Variants in HMGCS1 observed in about 807,000 individuals in gnomAD.
HMGCS1 encodes hydroxymethylglutaryl-CoA synthase, cytoplasmic.
In HMGCS1, 9 loss-of-function variants were observed where a neutral mutation model predicts 52.3. The ratio of observed to expected loss-of-function variants is 0.17; its 90% CI spans 0.10 to 0.30. The LOEUF is 0.30. Among genes scored for constraint, HMGCS1 ranks in the 10% least tolerant of loss-of-function variants. HMGCS1 has a pLI of 1.00. For missense variants in HMGCS1, 320 were observed against 620.9 expected (o/e 0.52, Z 5.15); for synonymous variants, 176 against 214.4 (o/e 0.82, Z 1.57).
Position 43,298,924 on chromosome 5 carries a change from T to C in HMGCS1, c.42A>G (p.Pro14=), listed in dbSNP as rs1481552433. Residue 14 remains proline (P), a synonymous_variant, in exon 3 of 11, where the codon CCA becomes CCG. Transcript: ENST00000325110. This position sits in a 1 kb window ranked among gnomAD's most constrained non-coding sequence, Gnocchi z 5.6. ...SLPLNAEACW[P]KDVGIVALEI... is the part of the protein sequence containing the mutation. ...CAAGGGCAACAATTCCCACATCTTT[T>C]GGCCAGCAAGCTTCTGCATTCAAAG... 2.5e-6 allele frequency: 4 copies of C among 1,613,934 alleles called. No individual in the cohort carries two copies. Among genetic ancestry groups the C allele is most frequent in the South Asian group, 1.1e-5 (1 of 91,072 alleles).
At chr5:43,297,188 A>C in intron 4 of HMGCS1, 22 bp from the exon 5 acceptor site, 2 of 1,595,846 alleles carry the variant, frequency 1.3e-6, no homozygotes, top group Non-Finnish European at 1.7e-6. Flanking sequence ...AAAAAGGAAG[A>C]TGTCTATATA....
chr5:43,302,505 T>G (rs1037508564), intron 2 of HMGCS1, among the ~76,000 whole-genome samples: 3 of 152,230 alleles, frequency 2.0e-5, no homozygotes, highest in Non-Finnish European at 4.4e-5. Flanking sequence ...CTTCGTCAAT[T>G]AAAGTCACTT....
At chr5:43,301,185 G>C (rs1754299133) in intron 2 of HMGCS1, among the ~76,000 whole-genome samples, 1 of 152,152 alleles carries the variant, frequency 6.6e-6, no homozygotes, top group South Asian at 2.1e-4. Context: ...ATTTTCAACA[G>C]AGTGGACACC....
chr5:43,307,388 T>G (rs1278485942), intron 2 of HMGCS1, among the ~76,000 whole-genome samples: 1 of 152,150 alleles, frequency 6.6e-6, no homozygotes, highest in Admixed American at 6.5e-5. Context: ...TTACATAATT[T>G]TAAACATTCA....
At chr5:43,305,915 A>C (rs2111723889) in intron 2 of HMGCS1, among the ~76,000 whole-genome samples, 1 of 152,168 alleles carries the variant, frequency 6.6e-6, no homozygotes, top group African/African-American at 2.4e-5. Flanking sequence ...AATGCATTTT[A>C]TTATTTTCAG....
chr5:43,311,096 G>A (rs193257753), intron 1 of HMGCS1, among the ~76,000 whole-genome samples: 85 of 152,086 alleles, frequency 5.6e-4, no homozygotes, highest in African/African-American at 1.0e-3. Flanking sequence ...AGGCCAAGGC[G>A]GACGGATCAT....
intron 2 of HMGCS1, among the ~76,000 whole-genome samples, chr5:43,301,522 A>G (rs934798270): frequency 6.6e-6 from 1 of 152,258 alleles, no homozygotes; most frequent in African/African-American, 2.4e-5. Flanking sequence ...GGCACAGGGT[A>G]AATGTAAAGA....
At chr5:43,295,644 C>A in intron 6 of HMGCS1, 108 bp downstream of exon 6, 1 of 801,312 alleles carries the variant, frequency 1.2e-6, no homozygotes, top group Non-Finnish European at 2.0e-6. Flanking sequence ...TGGATGACTT[C>A]TAAGATTCTT....
Position 43,294,732 on chromosome 5 carries a change from G to C in HMGCS1, c.1035C>G (p.Tyr345Ter). The C allele has an allele frequency of 6.2e-7, 1 of 1,612,294 alleles. No individual in the cohort carries two copies. Among genetic ancestry groups the C allele is most frequent in the Non-Finnish European group, 8.5e-7 (1 of 1,178,678 alleles). ...LLVSNQNGNM[Y>*]TSSVYGSLAS... ...CAAGGGAACCATATACTGAAGATGTGTACATATTTCCATTTTGATTTGATA... is the reference window on the plus strand; with the variant it reads ...CAAGGGAACCATATACTGAAGATGTCTACATATTTCCATTTTGATTTGATA... Residue 345 changes from tyrosine to a stop codon, truncating the protein, a stop_gained, in exon 7 of 11, where the codon TAC becomes TAG. Transcript: ENST00000325110. LOFTEE classifies it high-confidence loss of function.
chr5:43,306,839 G>A (rs1263216211), intron 2 of HMGCS1, among the ~76,000 whole-genome samples: 1 of 152,124 alleles, frequency 6.6e-6, no homozygotes, highest in African/African-American at 2.4e-5. Context: ...TTGTGTCCCC[G>A]GTACCCAACC....
Position 43,298,242 on chromosome 5 carries a change from A to G in HMGCS1, c.449-108T>C. ...CCAGAATATGCTTTTCCCTTCTTTG[A>G]TAAAGAAAGAAAATGCTCTAATTTT... is the stretch of plus-strand genomic sequence containing the variant. On this transcript the variant is annotated intron_variant, in intron 3 of 10. Coordinates refer to ENST00000325110, the MANE Select transcript of HMGCS1 (RefSeq NM_001098272.3). This position sits in a 1 kb window ranked among gnomAD's most constrained non-coding sequence, Gnocchi z 5.6. 1 of 1,017,304 alleles carries G rather than the reference A, an allele frequency of 9.8e-7. No individual in the cohort carries two copies. Among genetic ancestry groups the G allele is most frequent in the Non-Finnish European group, 1.4e-6 (1 of 703,614 alleles). 63.0% of individuals were successfully genotyped at this position (1,017,304 alleles called of 1,614,324 possible).
chr5:43,291,279 G>A, intron 10 of HMGCS1, 59 bp from the exon 11 acceptor site: 2 of 1,024,608 alleles, frequency 2.0e-6, no homozygotes, highest in Non-Finnish European at 3.1e-6. Flanking sequence ...CAAGAATCAT[G>A]GCACCAATTA....
chr5:43,294,064 G>C lies in HMGCS1; in HGVS notation c.1175C>G (p.Ala392Gly), dbSNP rs138182863. The C allele has an allele frequency of 7.0e-4, 1,118 of 1,592,958 alleles. 1 individual carries two copies. The highest frequency in any genetic ancestry group is 8.7e-4 in the Non-Finnish European group (1,010 of 1,160,742). The change falls in exon 8 of 11, where the codon GCT becomes GGT. Residue 392 changes from alanine to glycine, a missense_variant. Physicochemically the swap from Ala to Gly is moderately conservative, Grantham distance 60. Around this residue, in one of 3 missense-constraint regions of HMGCS1, gnomAD observed 213 missense variants for 337.4 expected, o/e 0.63. Transcript: ENST00000325110. ...AAAGATTCAGCACTTACCCGGTGTA[G>C]CATCTTGTGTGACTTTAAGAGAGTA... The part of the protein sequence containing the change: ...TLYSLKVTQD[A>G]TPGSALDKIT...
rs1753655413 is a variant in HMGCS1, at chr5:43,289,777, A to G, written c.*1354T>C. On this transcript the variant is annotated 3_prime_UTR_variant, in exon 11 of 11. Coordinates refer to ENST00000325110, the MANE Select transcript of HMGCS1 (RefSeq NM_001098272.3). ...ATTACCTTGCAATCTGAAACATTAT[A>G]TTTCATATTTGTGTATATTTATTTT... 6.6e-6 allele frequency: 1 copy of G among 152,598 alleles called. No homozygotes were observed. Among genetic ancestry groups the G allele is most frequent in the Non-Finnish European group, 1.5e-5 (1 of 68,032 alleles). 9.5% of individuals were successfully genotyped at this position (152,598 alleles called of 1,614,324 possible). A position where few individuals can be genotyped will look rare whatever the true frequency, so the allele number is the denominator to read the frequency against.
At position 43,289,296 on chromosome 5, in the gene HMGCS1, G is replaced by A. The variant is rs1180286728; in HGVS notation, c.*1835C>T. On this transcript the variant is annotated 3_prime_UTR_variant, in exon 11 of 11. Transcript: ENST00000325110. ...TGATAAATGAATGGAATGAGTGAACGAACTGAAATGAAATTAATGCCCATA... is the reference window on the plus strand; with the variant it reads ...TGATAAATGAATGGAATGAGTGAACAAACTGAAATGAAATTAATGCCCATA... 1 of 152,500 alleles carries A rather than the reference G, an allele frequency of 6.6e-6. No homozygotes were observed. The highest frequency in any genetic ancestry group is 1.5e-5 in the Non-Finnish European group (1 of 68,022). The allele number at this position is 152,500 out of a possible 1,614,324, so 9.4% of individuals were successfully genotyped here.
At position 43,290,562 on chromosome 5, in the gene HMGCS1, A is replaced by C. The variant is rs1270153293; in HGVS notation, c.*569T>G. 6.6e-6 allele frequency: 1 copy of C among 152,216 alleles called. No individual in the cohort carries two copies. Among genetic ancestry groups the C allele is most frequent in the African/African-American group, 2.4e-5 (1 of 41,446 alleles). 9.4% of individuals were successfully genotyped at this position (152,216 alleles called of 1,614,324 possible). On this transcript the variant is annotated 3_prime_UTR_variant, in exon 11 of 11. Coordinates refer to ENST00000325110, the MANE Select transcript of HMGCS1 (RefSeq NM_001098272.3). Reference sequence around the variant, plus strand: ...TGTCCCAGCTCTTTTCTTCCTCTTTAGGATTTATCAATTTTAGAAAAAGGG... The same window carrying C: ...TGTCCCAGCTCTTTTCTTCCTCTTTCGGATTTATCAATTTTAGAAAAAGGG...
chr5:43,295,347 G>A (rs1753978953), intron 6 of HMGCS1, among the ~76,000 whole-genome samples: 2 of 152,146 alleles, frequency 1.3e-5, no homozygotes, highest in Non-Finnish European at 2.9e-5. Context: ...GCATGCTAGG[G>A]AGCCTAAAGT....
chr5:43,298,222 A>G lies in HMGCS1; in HGVS notation c.449-88T>C. On this transcript the variant is annotated intron_variant, in intron 3 of 10. Transcript: ENST00000325110. The surrounding 1 kb of genome is among the most constrained non-coding windows in gnomAD (Gnocchi z 5.6). ...TGAAGTCTGTTATATTTTCCCCAGAATATGCTTTTCCCTTCTTTGATAAAG... is the reference window on the plus strand; with the variant it reads ...TGAAGTCTGTTATATTTTCCCCAGAGTATGCTTTTCCCTTCTTTGATAAAG... The G allele has an allele frequency of 2.5e-6, 3 of 1,177,560 alleles. No individual in the cohort carries two copies. Among genetic ancestry groups the G allele is most frequent in the Non-Finnish European group, 3.6e-6 (3 of 832,834 alleles). The allele number at this position is 1,177,560 out of a possible 1,614,324, so 72.9% of individuals were successfully genotyped here.
In HMGCS1 at chr5:43,292,578, T is replaced by C. The variant is rs781144120; in HGVS notation, c.1369A>G (p.Arg457Gly). 4.3e-6 allele frequency: 7 copies of C among 1,613,708 alleles called. No homozygotes were observed. Among genetic ancestry groups the C allele is most frequent in the African/African-American group, 1.3e-5 (1 of 74,912 alleles). Residue 457 changes from arginine to glycine, a missense_variant, in exon 10 of 11, where the codon AGG becomes GGG. Transcript: ENST00000325110. Reference sequence around the variant, plus strand: ...GTTCTTCTGTGCTTTTCATCCACCCTAACTAAGTACCACGTTCCTTCAAAG... The same window carrying C: ...GTTCTTCTGTGCTTTTCATCCACCCCAACTAAGTACCACGTTCCTTCAAAG... ...SLFEGTWYLV[R>G]VDEKHRRTYA...
Sources: allele counts gnomAD v4.1 joint callset (sites outside exome capture counted in the v4.1 genomes callset), GRCh38; gene constraint gnomAD v4.1.1; regional missense constraint gnomAD v4.1.1; non-coding constraint Gnocchi (gnomAD v3.1); transcripts MANE v1.5; gene names NCBI Gene and HGNC (gene_info 2026-07-23, HGNC 2026-07-21).